The following C1orf146 variants were observed in gnomAD, a reference collection of about 807,000 sequenced individuals.
C1orf146 encodes the protein protein SPO16 homolog.
C1orf146 carries 22 observed loss-of-function variants against 23.0 expected under a neutral mutation model. The observed-to-expected ratio is 0.96, with a 90% CI of 0.68 to 1.36. The LOEUF is 1.36. Ranked by LOEUF, C1orf146 falls within the 40% of genes most tolerant of loss-of-function variation. The pLI, the probability that C1orf146 is intolerant of heterozygous loss-of-function variation, is 0.00. For missense variants in C1orf146, 199 were observed against 206.8 expected, an observed-to-expected ratio of 0.96 and a Z score of 0.23; for synonymous variants, 59 against 65.3, an observed-to-expected ratio of 0.90 and a Z score of 0.47.
chr1:92,245,683 CTT>C lies in C1orf146; in HGVS notation c.*10_*11del. ...CAGTTAACCCAAATTAGAGTACCAA[CTT>C]AATGTTTTTCTCGAAGAATGTGAAA... On this transcript the variant is annotated 3_prime_UTR_variant, in exon 6 of 6. Coordinates refer to ENST00000370375, the MANE Select transcript of C1orf146 (RefSeq NM_001012425.2). 6.6e-7 allele frequency: 1 copy of C among 1,522,022 alleles called. No individual in the cohort carries two copies. The highest frequency in any genetic ancestry group is 8.8e-7 in the Non-Finnish European group (1 of 1,135,284). The allele number at this position is 1,522,022 out of a possible 1,614,324, so 94.3% of individuals were successfully genotyped here.
At chr1:92,235,012 T>C (rs1570793908) in intron 2 of C1orf146, among the ~76,000 whole-genome samples, 1 of 152,118 alleles carries the variant, frequency 6.6e-6, no homozygotes, top group African/African-American at 2.4e-5. Flanking sequence ...TTTTTTCTTT[T>C]AGTCTTGCTA....
intron 1 of C1orf146, among the ~76,000 whole-genome samples, chr1:92,223,863 C>T (rs928440083): frequency 5.9e-5 from 9 of 151,516 alleles, no homozygotes; most frequent in South Asian, 2.1e-4. Context: ...AAAATATATT[C>T]GGGGTACAAG....
chr1:92,244,887 A>G, intron 5 of C1orf146, 30 bp downstream of exon 5: 1 of 1,271,890 alleles, frequency 7.9e-7, no homozygotes, highest in Non-Finnish European at 1.1e-6. Flanking sequence ...TGACACATAC[A>G]CACATACATT....
intron 1 of C1orf146, among the ~76,000 whole-genome samples, chr1:92,224,012 T>TTTTATTTATTTA (rs146799961): frequency 2.2e-5 from 3 of 133,374 alleles, no homozygotes; most frequent in Admixed American, 7.8e-5. Context: ...TGTTGTTTTA[T>TTTTATTTATTTA]TTTATTTATT....
chr1:92,220,224 A>G (rs1300988291), intron 1 of C1orf146, among the ~76,000 whole-genome samples: 1 of 152,172 alleles, frequency 6.6e-6, no homozygotes, highest in East Asian at 1.9e-4. Flanking sequence ...AGAAACCAAA[A>G]TCTGGGTGCT....
intron 1 of C1orf146, 108 bp from the exon 2 acceptor site, chr1:92,231,274 G>A (rs1652113332): frequency 1.8e-6 from 1 of 558,312 alleles, no homozygotes; most frequent in Non-Finnish European, 3.1e-6. Context: ...AAATTTTGAT[G>A]TTCAAATATT....
chr1:92,237,628 A>C (rs1264379077), intron 2 of C1orf146, among the ~76,000 whole-genome samples: 5 of 152,180 alleles, frequency 3.3e-5, no homozygotes, highest in Non-Finnish European at 7.3e-5. Flanking sequence ...TGCTCTCTTC[A>C]AAGCTCAGAT....
At chr1:92,238,683 C>A (rs1652355732) in intron 2 of C1orf146, among the ~76,000 whole-genome samples, 1 of 151,936 alleles carries the variant, frequency 6.6e-6, no homozygotes, top group Admixed American at 6.6e-5. Flanking sequence ...TATTGAAATT[C>A]ATTAGCATGA....
chr1:92,222,132 T>C (rs139639629), intron 1 of C1orf146, among the ~76,000 whole-genome samples: 56 of 152,154 alleles, frequency 3.7e-4, no homozygotes, highest in African/African-American at 1.3e-3. Flanking sequence ...TCCCAGCTAC[T>C]TGGGAGGCTG....
At chr1:92,220,455 T>C (rs1457885537) in intron 1 of C1orf146, among the ~76,000 whole-genome samples, 8 of 152,226 alleles carry the variant, frequency 5.3e-5, no homozygotes, top group African/African-American at 1.9e-4. Flanking sequence ...TTAGATGGTG[T>C]AGTCTACTAG....
intron 1 of C1orf146, among the ~76,000 whole-genome samples, chr1:92,227,298 T>G (rs1651991283): frequency 6.6e-6 from 1 of 152,096 alleles, no homozygotes; most frequent in Non-Finnish European, 1.5e-5. Context: ...ATTCCAGCAC[T>G]TTGGGAGGCC....
intron 2 of C1orf146, among the ~76,000 whole-genome samples, chr1:92,241,486 G>C (rs1338152991): frequency 2.0e-5 from 3 of 151,864 alleles, no homozygotes; most frequent in Non-Finnish European, 2.9e-5. Context: ...ACCATGCCCA[G>C]CCTCCAAGTT....
chr1:92,237,481 G>A lies in C1orf146; in HGVS notation c.67-4731G>A, dbSNP rs542670683. Among the ~76,000 whole-genome samples, 4 of 152,298 alleles carry A rather than the reference G, an allele frequency of 2.6e-5. No individual in the cohort carries two copies. The South Asian group carries it at 8.3e-4, about 32-fold the overall frequency. On this transcript the variant is annotated intron_variant, in intron 2 of 5. Coordinates refer to ENST00000370375, the MANE Select transcript of C1orf146 (RefSeq NM_001012425.2). ...TTCCTCTGGAAGTTTTGTCTCAGAG[G>A]AGTACCCGGCCGTATGAGGTGTCAG... is the stretch of plus-strand genomic sequence containing the variant.
intron 3 of C1orf146, 145 bp downstream of exon 3, chr1:92,242,450 C>T (rs1286597695): frequency 2.2e-5 from 8 of 358,932 alleles, no homozygotes; most frequent in Non-Finnish European, 4.0e-5. Flanking sequence ...ACAAACAGTC[C>T]ATATGGCCAA....
chr1:92,236,891 T>G (rs1652290920), intron 2 of C1orf146, among the ~76,000 whole-genome samples: 1 of 152,252 alleles, frequency 6.6e-6, no homozygotes, highest in South Asian at 2.1e-4. Context: ...TTTCTTCCAG[T>G]TGATCGCGTT....
Position 92,230,610 on chromosome 1 carries a change from C to T in C1orf146, c.-39-772C>T, listed in dbSNP as rs571353961. On this transcript the variant is annotated intron_variant, in intron 1 of 5. Coordinates refer to ENST00000370375, the MANE Select transcript of C1orf146 (RefSeq NM_001012425.2). ...CAGCCTGGGCAACAGAGCAAGATTC[C>T]GTCTCAAAAAAAAAAAAAAATCAGC... is the stretch of plus-strand genomic sequence containing the variant. Among the ~76,000 whole-genome samples the T allele has an allele frequency of 5.1e-4, 76 of 147,594 alleles. 1 individual carries two copies. The highest frequency in any genetic ancestry group is 1.2e-3 in the Admixed American group (18 of 14,840).
intron 1 of C1orf146, among the ~76,000 whole-genome samples, chr1:92,218,985 G>T (rs774983627): frequency 6.6e-5 from 10 of 152,166 alleles, no homozygotes; most frequent in African/African-American, 9.7e-5. Context: ...TATTGTGCAC[G>T]TGATTACTTT....
In C1orf146 at chr1:92,231,491, AGG is replaced by A. The variant is rs1355764890; in HGVS notation, c.66+8_66+9del. 4.4e-6 allele frequency: 7 copies of A among 1,595,256 alleles called. No homozygotes were observed. The East Asian group carries it at 1.6e-4, about 36-fold the overall frequency. On this transcript the variant is annotated splice_donor_region_variant and intron_variant, in intron 2 of 5. Coordinates refer to ENST00000370375, the MANE Select transcript of C1orf146 (RefSeq NM_001012425.2). ...ATTATTAGCTCATCTCTTAAGGTAA[AGG>A]GGCATTTGGGCCACTGATCTTTAAC...
intron 1 of C1orf146, among the ~76,000 whole-genome samples, chr1:92,231,071 G>A (rs973334051): frequency 6.6e-6 from 1 of 152,190 alleles, no homozygotes; most frequent in African/African-American, 2.4e-5. Flanking sequence ...CTGTATAAGT[G>A]AAACTCTGGC....
Sources: allele counts gnomAD v4.1 joint callset (sites outside exome capture counted in the v4.1 genomes callset), GRCh38; gene constraint gnomAD v4.1.1; transcripts MANE v1.5; gene names NCBI Gene and HGNC (gene_info 2026-07-23, HGNC 2026-07-21).